Variants in POU2F3 observed in about 807,000 individuals in gnomAD.
POU2F3 encodes POU class 2 homeobox 3.
In POU2F3, 23 loss-of-function variants were observed where a neutral mutation model predicts 59.2. The ratio of observed to expected loss-of-function variants is 0.39; its 90% CI spans 0.28 to 0.55. The LOEUF (loss-of-function observed/expected upper bound fraction) is 0.55, where lower values mean the gene tolerates loss of function less well. Among genes scored for constraint, POU2F3 ranks in the 20% least tolerant of loss-of-function variants. The pLI, the probability that POU2F3 is intolerant of heterozygous loss-of-function variation, is 0.66. For missense variants in POU2F3, 473 were observed against 544.5 expected, an observed-to-expected ratio of 0.87 and a Z score of 1.31; for synonymous variants, 190 against 214.6, an observed-to-expected ratio of 0.89 and a Z score of 1.00.
intron 12 of POU2F3, among the ~76,000 whole-genome samples, chr11:120,317,939 G>A (rs1941830115): frequency 6.6e-6 from 1 of 152,182 alleles, no homozygotes. Flanking sequence ...ACACAGAGAT[G>A]TGTAGGTTAC....
rs140659279 is a variant in POU2F3, at chr11:120,315,071, C to A, written c.1069-290C>A. Among the ~76,000 whole-genome samples the A allele has an allele frequency of 1.6e-4, 25 of 152,350 alleles. No individual in the cohort carries two copies. In the East Asian group the frequency reaches 3.1e-3, roughly 19 times the overall value. ...CAGGGCTCTCAGGCAAGGCAGCCTT[C>A]GGCTTGGCAGTGTCAAAGAAACCTT... On this transcript the variant is annotated intron_variant, in intron 10 of 12. Coordinates refer to ENST00000543440, the MANE Select transcript of POU2F3 (RefSeq NM_014352.4).
At position 120,318,515 on chromosome 11, in the gene POU2F3, A is replaced by G. The variant is rs1359194541; in HGVS notation, c.*123A>G. The G allele has an allele frequency of 1.0e-6, 1 of 1,000,818 alleles. No homozygotes were observed. Among genetic ancestry groups the G allele is most frequent in the Non-Finnish European group, 1.5e-6 (1 of 647,826 alleles). The allele number at this position is 1,000,818 out of a possible 1,614,324, so 62.0% of individuals were successfully genotyped here. On this transcript the variant is annotated 3_prime_UTR_variant, in exon 13 of 13. Coordinates refer to ENST00000543440, the MANE Select transcript of POU2F3 (RefSeq NM_014352.4). ...GGAAGAAAATCTCCACTATCAATGA[A>G]CCCAGACTCTTGTCTTCTTCAAGAG... is the stretch of plus-strand genomic sequence containing the variant.
At chr11:120,272,858 G>T (rs1940136061) in intron 3 of POU2F3, among the ~76,000 whole-genome samples, 1 of 152,176 alleles carries the variant, frequency 6.6e-6, no homozygotes, top group African/African-American at 2.4e-5. Context: ...GGGTTCCAGT[G>T]CTGTCTGTCC....
chr11:120,259,622 G>A (rs1333387030), intron 2 of POU2F3, among the ~76,000 whole-genome samples: 1 of 152,192 alleles, frequency 6.6e-6, no homozygotes, highest in East Asian at 1.9e-4. Context: ...TTCAAGGATT[G>A]CTTTCAGGCT....
Position 120,305,166 on chromosome 11 carries a change from T to C in POU2F3, c.581T>C (p.Phe194Ser). The change falls in exon 7 of 13, where the codon TTT becomes TCT. Residue 194 changes from phenylalanine to serine, a missense_variant. Coordinates refer to ENST00000543440, the MANE Select transcript of POU2F3 (RefSeq NM_014352.4). ...AGTGACCTCGAGGAGCTGGAGAAGTTTGCCAAGACCTTCAAGCAGAGGCGC... is the reference window on the plus strand; with the variant it reads ...AGTGACCTCGAGGAGCTGGAGAAGTCTGCCAAGACCTTCAAGCAGAGGCGC... The part of the protein sequence containing the change: ...EPSDLEELEK[F>S]AKTFKQRRIK... 1.2e-6 allele frequency: 2 copies of C among 1,613,686 alleles called. No individual in the cohort carries two copies. Among genetic ancestry groups the C allele is most frequent in the Non-Finnish European group, 1.7e-6 (2 of 1,179,916 alleles).
intron 1 of POU2F3, among the ~76,000 whole-genome samples, chr11:120,243,357 C>A (rs1015839574): frequency 6.6e-6 from 1 of 152,106 alleles, no homozygotes; most frequent in African/African-American, 2.4e-5. Context: ...CCTCAGCCTG[C>A]AGCCTGTGGG....
intron 3 of POU2F3, among the ~76,000 whole-genome samples, chr11:120,293,200 T>C (rs868123132): frequency 8.5e-5 from 13 of 152,194 alleles, no homozygotes; most frequent in Middle Eastern, 3.4e-3. Flanking sequence ...TGCTATATAG[T>C]AGGTTTGATT....
upstream of POU2F3, among the ~76,000 whole-genome samples, chr11:120,239,154 G>A (rs1938573302): frequency 6.6e-6 from 1 of 152,190 alleles, no homozygotes; most frequent in African/African-American, 2.4e-5. Context: ...TAGCCCATGG[G>A]ACTAAGGAGA....
intron 2 of POU2F3, chr11:120,255,082 T>C (rs1939280504): frequency 6.6e-6 from 1 of 152,332 alleles, no homozygotes; most frequent in Non-Finnish European, 1.5e-5. Flanking sequence ...ATGTGTCTCC[T>C]TTCCTGCCTG....
At chr11:120,241,208 C>T (rs1407713271) in intron 1 of POU2F3, among the ~76,000 whole-genome samples, 4 of 152,228 alleles carry the variant, frequency 2.6e-5, no homozygotes, top group Admixed American at 2.6e-4. Context: ...AAAGCGGTAC[C>T]TGACCTGGCC....
intron 2 of POU2F3, chr11:120,258,965 C>A (rs995437567): frequency 2.6e-5 from 4 of 152,194 alleles, no homozygotes; most frequent in East Asian, 1.9e-4. Flanking sequence ...AACAAAGAGA[C>A]CTTGCTGAGG....
intron 9 of POU2F3, among the ~76,000 whole-genome samples, chr11:120,308,854 G>T (rs12787658): frequency 6.7e-6 from 1 of 148,388 alleles, no homozygotes; most frequent in African/African-American, 2.5e-5. Context: ...AGAGAGAATT[G>T]CTTGAACCCG....
chr11:120,269,264 A>G lies in POU2F3; in HGVS notation c.132+20A>G. On this transcript the variant is annotated intron_variant, in intron 3 of 12. Transcript: ENST00000543440. ...AGGCAGGTAAGAACTTGGGTCAGAAAGAAACGTTTATTCTATAAAATTTGG... is the reference window on the plus strand; with the variant it reads ...AGGCAGGTAAGAACTTGGGTCAGAAGGAAACGTTTATTCTATAAAATTTGG... 6.4e-7 allele frequency: 1 copy of G among 1,565,248 alleles called. No individual in the cohort carries two copies. Among genetic ancestry groups the G allele is most frequent in the Non-Finnish European group, 8.8e-7 (1 of 1,135,884 alleles).
chr11:120,247,242 T>A (rs12276544), intron 2 of POU2F3, among the ~76,000 whole-genome samples: 38,494 of 152,162 alleles, frequency 0.25, 5,809 homozygotes, highest in Admixed American at 0.39. Context: ...CACCACCAAA[T>A]AACTTTAATA....
chr11:120,291,414 C>G (rs1207119943), intron 3 of POU2F3, among the ~76,000 whole-genome samples: 3 of 152,204 alleles, frequency 2.0e-5, no homozygotes, highest in Admixed American at 6.5e-5. Context: ...AAGTTATTTT[C>G]CTTCTCTGGC....
intron 2 of POU2F3, among the ~76,000 whole-genome samples, chr11:120,254,471 C>T (rs904376056): frequency 6.6e-6 from 1 of 151,990 alleles, no homozygotes; most frequent in Admixed American, 6.6e-5. Context: ...GAGTTTGGGG[C>T]CAGCATTTGT....
At chr11:120,269,903 T>C (rs1939989423) in intron 3 of POU2F3, among the ~76,000 whole-genome samples, 1 of 151,802 alleles carries the variant, frequency 6.6e-6, no homozygotes, top group African/African-American at 2.4e-5. Context: ...GCCCTTGAGG[T>C]TGGAGGCTGA....
At chr11:120,245,419 C>A (rs531549954) in intron 1 of POU2F3, among the ~76,000 whole-genome samples, 1 of 152,014 alleles carries the variant, frequency 6.6e-6, no homozygotes, top group Admixed American at 6.6e-5. Flanking sequence ...GAGCTGAGTA[C>A]GCAAATTGGC....
chr11:120,286,666 G>A (rs924638687), intron 3 of POU2F3, among the ~76,000 whole-genome samples: 39 of 152,202 alleles, frequency 2.6e-4, no homozygotes, highest in African/African-American at 9.1e-4. Flanking sequence ...CAACTTATAC[G>A]CTCTTTGAGT....
Sources: allele counts gnomAD v4.1 joint callset (sites outside exome capture counted in the v4.1 genomes callset), GRCh38; gene constraint gnomAD v4.1.1; transcripts MANE v1.5; gene names NCBI Gene and HGNC (gene_info 2026-07-23, HGNC 2026-07-21).